Variants in DGKB observed in about 807,000 individuals in gnomAD.
The protein encoded by DGKB is diacylglycerol kinase beta, also known as 90 kDa diacylglycerol kinase.
In DGKB, 67 loss-of-function variants were observed where a neutral mutation model predicts 114.3. The observed-to-expected ratio is 0.59, with a 90% CI of 0.48 to 0.72. The LOEUF (loss-of-function observed/expected upper bound fraction) is 0.72, where lower values mean the gene tolerates loss of function less well. DGKB is among the 30% of genes least tolerant of loss of function. The pLI is 0.00. For missense variants in DGKB, 907 were observed against 975.2 expected, an observed-to-expected ratio of 0.93 and a Z score of 0.93; for synonymous variants, 398 against 323.1, an observed-to-expected ratio of 1.23 and a Z score of -2.49.
At chr7:14,623,337 CTA>C (rs1314760805) in intron 14 of DGKB, among the ~76,000 whole-genome samples, 6 of 152,012 alleles carry the variant, frequency 3.9e-5, no homozygotes, top group Admixed American at 1.3e-4. Flanking sequence ...ATTTCAATTT[CTA>C]TAATTTAGAA....
rs1484292861 is a variant in DGKB, at chr7:14,708,898, G to A, written c.467-7168C>T. Among the ~76,000 whole-genome samples the A allele has an allele frequency of 1.7e-3, 250 of 151,266 alleles. 2 individuals carry two copies. The highest frequency in any genetic ancestry group is 5.9e-3 in the African/African-American group (241 of 40,784). On this transcript the variant is annotated intron_variant, in intron 6 of 25. Transcript: ENST00000402815. ...CCTAGGCTTTACCATTCGGGACATA[G>A]GCATGGGCAAGGACTTCATGTCCAA...
chr7:14,806,462 T>A (rs1347014285), intron 2 of DGKB, among the ~76,000 whole-genome samples: 1 of 152,054 alleles, frequency 6.6e-6, no homozygotes, highest in Non-Finnish European at 1.5e-5. Flanking sequence ...GATGTAAATA[T>A]GTAATTTCAA....
intron 20 of DGKB, among the ~76,000 whole-genome samples, chr7:14,514,955 G>T (rs932238013): frequency 1.3e-5 from 2 of 152,046 alleles, no homozygotes; most frequent in African/African-American, 4.8e-5. Flanking sequence ...GAGGTGGGAG[G>T]ATCACTTGAA....
At chr7:14,336,015 A>G (rs891168528) in intron 23 of DGKB, among the ~76,000 whole-genome samples, 1 of 152,166 alleles carries the variant, frequency 6.6e-6, no homozygotes, top group Non-Finnish European at 1.5e-5. Context: ...AAGTGTGAGG[A>G]TTGCATGTGT....
At chr7:14,170,145 A>AAAAAAGAAAGAAAGAAAAGAAAG in intron 25 of DGKB, among the ~76,000 whole-genome samples, 1 of 99,982 alleles carries the variant, frequency 1.0e-5, no homozygotes, top group Middle Eastern at 5.1e-3. Flanking sequence ...AAAAAAAAAA[A>AAAAAAGAAAGAAAGAAAAGAAAG]AAAGAAAGAA....
At chr7:14,246,998 A>G (rs1282632715) in intron 23 of DGKB, among the ~76,000 whole-genome samples, 1 of 152,136 alleles carries the variant, frequency 6.6e-6, no homozygotes. Flanking sequence ...CCCAACTGCT[A>G]GTCACTGGCA....
chr7:14,159,576 T>C (rs1783549611), intron 25 of DGKB, among the ~76,000 whole-genome samples: 1 of 152,224 alleles, frequency 6.6e-6, no homozygotes, highest in Non-Finnish European at 1.5e-5. Flanking sequence ...TGTATTGTTT[T>C]CTCTCCATTC....
chr7:14,842,693 A>G (rs1174202743), intron 1 of DGKB, among the ~76,000 whole-genome samples: 1 of 152,144 alleles, frequency 6.6e-6, no homozygotes, highest in East Asian at 1.9e-4. Context: ...CTGTGAAATG[A>G]TGTGTTCTGT....
chr7:14,672,349 C>G (rs1455653677), intron 13 of DGKB, among the ~76,000 whole-genome samples: 3 of 152,018 alleles, frequency 2.0e-5, no homozygotes, highest in Non-Finnish European at 4.4e-5. Context: ...TCTCTTCCTA[C>G]CAAGGTTCGT....
intron 21 of DGKB, among the ~76,000 whole-genome samples, chr7:14,358,924 T>G (rs1469073372): frequency 2.6e-5 from 4 of 152,130 alleles, no homozygotes; most frequent in Admixed American, 1.3e-4. Flanking sequence ...AATGACTTTC[T>G]TCACAGAATT....
At chr7:14,265,648 T>A (rs1342034809) in intron 23 of DGKB, among the ~76,000 whole-genome samples, 2 of 152,160 alleles carry the variant, frequency 1.3e-5, no homozygotes, top group African/African-American at 4.8e-5. Context: ...AGCTATGGTA[T>A]AACTACCTGT....
At chr7:14,930,186 G>C (rs868364798) in intron 1 of DGKB, among the ~76,000 whole-genome samples, 1 of 151,950 alleles carries the variant, frequency 6.6e-6, no homozygotes, top group Non-Finnish European at 1.5e-5. Context: ...TTTTTGCTCA[G>C]GATTGATTTG....
intron 20 of DGKB, among the ~76,000 whole-genome samples, chr7:14,552,631 T>C (rs1450706461): frequency 6.6e-6 from 1 of 152,202 alleles, no homozygotes; most frequent in Non-Finnish European, 1.5e-5. Flanking sequence ...CACGAAAAGC[T>C]ATCAGGTTTA....
chr7:14,604,098 A>G (rs1043625694), intron 17 of DGKB, among the ~76,000 whole-genome samples: 5 of 152,220 alleles, frequency 3.3e-5, no homozygotes, highest in African/African-American at 1.2e-4. Context: ...CCTCCAAATA[A>G]TTTATTCAAT....
intron 21 of DGKB, among the ~76,000 whole-genome samples, chr7:14,381,083 G>C (rs778342782): frequency 6.6e-6 from 1 of 152,202 alleles, no homozygotes; most frequent in Non-Finnish European, 1.5e-5. Context: ...GAAAACAAGA[G>C]AGAAGGCCAT....
At chr7:14,666,169 T>C (rs1451658325) in intron 13 of DGKB, among the ~76,000 whole-genome samples, 2 of 151,998 alleles carry the variant, frequency 1.3e-5, no homozygotes, top group Non-Finnish European at 2.9e-5. Context: ...AGAGATAACA[T>C]CATGATAAAC....
intron 13 of DGKB, among the ~76,000 whole-genome samples, chr7:14,651,289 G>C (rs1466266936): frequency 6.6e-6 from 1 of 152,000 alleles, no homozygotes; most frequent in Non-Finnish European, 1.5e-5. Context: ...ACATCAAAAA[G>C]CTTATCCACC....
rs540827458 is a variant in DGKB, at chr7:14,679,883, A to C, written c.1035+2670T>G. On this transcript the variant is annotated intron_variant, in intron 12 of 25. Coordinates refer to ENST00000402815, the MANE Select transcript of DGKB (RefSeq NM_001350709.2). ...ATATATCCTGTTTAACCAAGGCACAAAATCAATAATTAAGTAAATGTGTCC... is the reference window on the plus strand; with the variant it reads ...ATATATCCTGTTTAACCAAGGCACACAATCAATAATTAAGTAAATGTGTCC... Among the ~76,000 whole-genome samples, 7 of 152,196 alleles carry C rather than the reference A, an allele frequency of 4.6e-5. No homozygotes were observed. In the South Asian group the frequency reaches 1.2e-3, roughly 27 times the overall value.
At chr7:14,504,519 T>C (rs928678683) in intron 20 of DGKB, among the ~76,000 whole-genome samples, 13 of 152,190 alleles carry the variant, frequency 8.5e-5, no homozygotes, top group Non-Finnish European at 1.8e-4. Flanking sequence ...CCTATAGCTT[T>C]TGCTTTGTGA....
Sources: gnomAD v4.1 joint callset for allele counts (sites outside exome capture counted in the v4.1 genomes callset) on GRCh38, gnomAD v4.1.1 for gene constraint, MANE v1.5 for transcripts, NCBI Gene and HGNC (gene_info 2026-07-23, HGNC 2026-07-21) for gene names.